KIRREL3: variants seen among roughly 807,000 people sequenced by gnomAD.
KIRREL3 encodes kirre like nephrin family adhesion molecule 3, also known as kin of IRRE-like protein 3.
In KIRREL3, 36 loss-of-function variants were observed where a neutral mutation model predicts 89.7. That is an observed-to-expected ratio of 0.40 (90% confidence interval 0.31 to 0.53). The LOEUF is 0.53. KIRREL3 is among the 20% of genes least tolerant of loss of function. The pLI is 0.49. For synonymous variants in KIRREL3, 445 were observed against 441.4 expected (o/e 1.01, Z -0.10); for missense variants, 864 against 1,056.6 (o/e 0.82, Z 2.53).
chr11:126,461,518 TA>T (rs1725599539), intron 6 of KIRREL3, among the ~76,000 whole-genome samples: 8 of 151,900 alleles, frequency 5.3e-5, no homozygotes, highest in Admixed American at 4.6e-4. Context: ...TCGGGGGTTG[TA>T]GGGGGGACAG....
At chr11:126,482,433 T>A (rs909268222) in intron 4 of KIRREL3, among the ~76,000 whole-genome samples, 2 of 152,374 alleles carry the variant, frequency 1.3e-5, no homozygotes, top group Non-Finnish European at 2.9e-5. Flanking sequence ...ATGGGAAAAC[T>A]GCTTAGCTTC....
chr11:126,511,917 C>T (rs951174878), intron 4 of KIRREL3, among the ~76,000 whole-genome samples: 2 of 152,190 alleles, frequency 1.3e-5, no homozygotes, highest in African/African-American at 4.8e-5. Flanking sequence ...GCTCCCTGTG[C>T]AGCTGCAGCT....
chr11:126,442,821 A>G (rs1955633803), intron 10 of KIRREL3, among the ~76,000 whole-genome samples: 1 of 152,180 alleles, frequency 6.6e-6, no homozygotes, highest in South Asian at 2.1e-4. Context: ...CACCCTAGTC[A>G]AGAAATAAAC....
At chr11:126,738,739 A>G (rs1565692095) in intron 1 of KIRREL3, among the ~76,000 whole-genome samples, 1 of 152,174 alleles carries the variant, frequency 6.6e-6, no homozygotes, top group Non-Finnish European at 1.5e-5. Context: ...AGGGCTCACG[A>G]CAAGAAGGCT....
At chr11:126,507,195 T>C (rs1958049368) in intron 4 of KIRREL3, among the ~76,000 whole-genome samples, 1 of 152,166 alleles carries the variant, frequency 6.6e-6, no homozygotes, top group African/African-American at 2.4e-5. Context: ...ATTGGTTGCC[T>C]GAGACTGGGT....
At chr11:126,701,045 G>A (rs555854734) in intron 1 of KIRREL3, among the ~76,000 whole-genome samples, 3 of 152,294 alleles carry the variant, frequency 2.0e-5, no homozygotes, top group East Asian at 3.9e-4. Context: ...CTGAACATAC[G>A]TCAGTGTCTC....
intron 9 of KIRREL3, among the ~76,000 whole-genome samples, chr11:126,446,148 C>CAAAAA (rs56820180): frequency 7.2e-5 from 6 of 83,244 alleles, no homozygotes; most frequent in African/African-American, 1.5e-4. Context: ...AACTCCATCT[C>CAAAAA]AAAAAAAAAA....
intron 1 of KIRREL3, among the ~76,000 whole-genome samples, chr11:126,853,081 T>C (rs1339948907): frequency 6.6e-6 from 1 of 152,210 alleles, no homozygotes; most frequent in Non-Finnish European, 1.5e-5. Flanking sequence ...TTGTTGCTTT[T>C]TTTTTAAAAT....
rs1361055652 is a variant in KIRREL3, at chr11:126,496,412, G to A, written c.434-22946C>T. On this transcript the variant is annotated intron_variant, in intron 4 of 16. Coordinates refer to ENST00000525144, the MANE Select transcript of KIRREL3 (RefSeq NM_032531.4). The surrounding 1 kb of genome is among the most constrained non-coding windows in gnomAD (Gnocchi z 4.9). ...TAAGTGATTTGGACAAGGGTACACAGCTGAAAAATGAAAGGGCCAGTCTTA... is the reference window on the plus strand; with the variant it reads ...TAAGTGATTTGGACAAGGGTACACAACTGAAAAATGAAAGGGCCAGTCTTA... Among the ~76,000 whole-genome samples the A allele has an allele frequency of 1.3e-5, 2 of 152,156 alleles. No individual in the cohort carries two copies. Among genetic ancestry groups the A allele is most frequent in the Non-Finnish European group, 2.9e-5 (2 of 68,038 alleles).
In KIRREL3 at chr11:126,742,837, G is replaced by A. The variant is rs146965538; in HGVS notation, c.56-179925C>T. ...ACTGGCACATTCGTTGCTGGGCAAC[G>A]TGGCTCCTCTCTGAAGAGGCAAGAA... On this transcript the variant is annotated intron_variant, in intron 1 of 16. Coordinates refer to ENST00000525144, the MANE Select transcript of KIRREL3 (RefSeq NM_032531.4). This position sits in a 1 kb window ranked among gnomAD's most constrained non-coding sequence, Gnocchi z 5.3. Among the ~76,000 whole-genome samples, 277 of 152,336 alleles carry A rather than the reference G, an allele frequency of 1.8e-3. 2 individuals are homozygous for A. Among genetic ancestry groups the A allele is most frequent in the African/African-American group, 6.3e-3 (263 of 41,580 alleles).
At position 126,599,104 on chromosome 11, in the gene KIRREL3, G is replaced by A. The variant is rs1433186846; in HGVS notation, c.56-36192C>T. Reference sequence around the variant, plus strand: ...CCCAGGCCTCACCCCTCCTTGCTGGGTGCAGAGACATCTGCTGTTTCAAGC... The same window carrying A: ...CCCAGGCCTCACCCCTCCTTGCTGGATGCAGAGACATCTGCTGTTTCAAGC... On this transcript the variant is annotated intron_variant, in intron 1 of 16. Transcript: ENST00000525144. Among the ~76,000 whole-genome samples, 4 of 152,286 alleles carry A rather than the reference G, an allele frequency of 2.6e-5. No homozygotes were observed. In the East Asian group the frequency reaches 7.7e-4, roughly 29 times the overall value.
At chr11:126,926,522 T>G (rs1282126904) in intron 1 of KIRREL3, among the ~76,000 whole-genome samples, 1 of 152,180 alleles carries the variant, frequency 6.6e-6, no homozygotes, top group Non-Finnish European at 1.5e-5. Flanking sequence ...GAGCTGGTAC[T>G]ATGAGGGGTG....
Position 126,537,731 on chromosome 11 carries a change from C to T in KIRREL3, c.134-11044G>A, listed in dbSNP as rs909657146. The stretch of plus-strand genomic sequence containing the variant: ...CCCTATCTGAAAAATGGGGATGACA[C>T]GCCTCCCTGGCAAAGCTGCTGTGAG... On this transcript the variant is annotated intron_variant, in intron 2 of 16. Transcript: ENST00000525144. The surrounding 1 kb of genome is among the most constrained non-coding windows in gnomAD (Gnocchi z 4.3). Among the ~76,000 whole-genome samples, 4 of 152,162 alleles carry T rather than the reference C, an allele frequency of 2.6e-5. No homozygotes were observed. The highest frequency in any genetic ancestry group is 5.9e-5 in the Non-Finnish European group (4 of 68,028).
At chr11:126,536,790 A>T (rs502401) in intron 2 of KIRREL3, among the ~76,000 whole-genome samples, 2 of 151,744 alleles carry the variant, frequency 1.3e-5, no homozygotes, top group East Asian at 3.9e-4. Context: ...GACTACAGGC[A>T]TGTGCCACTA....
chr11:126,846,975 GAGTGA>G (rs972304704), intron 1 of KIRREL3, among the ~76,000 whole-genome samples: 4 of 40,936 alleles, frequency 9.8e-5, no homozygotes, highest in African/African-American at 5.1e-4. Context: ...GTTTTTCTTA[GAGTGA>G]AAAGAAAACC....
intron 5 of KIRREL3, among the ~76,000 whole-genome samples, chr11:126,467,185 C>T (rs539188718): frequency 5.3e-5 from 8 of 152,352 alleles, no homozygotes; most frequent in African/African-American, 1.7e-4. Context: ...CGTGACTCTG[C>T]GGGGCCCCAG....
chr11:126,545,559 C>A (rs1380260726), intron 2 of KIRREL3, among the ~76,000 whole-genome samples: 1 of 151,336 alleles, frequency 6.6e-6, no homozygotes, highest in African/African-American at 2.4e-5. Context: ...TTGCTTGAGC[C>A]CAGGAGTTCG....
In KIRREL3 at chr11:126,747,892, T is replaced by G. The variant is rs1412566029; in HGVS notation, c.56-184980A>C. On this transcript the variant is annotated intron_variant, in intron 1 of 16. Transcript: ENST00000525144. This position sits in a 1 kb window ranked among gnomAD's most constrained non-coding sequence, Gnocchi z 4.7. ...CCTCAGGTCAACTGGAAGACTCCCC[T>G]CCAGACAGGCGTTGCGGTCTTTCCC... Among the ~76,000 whole-genome samples, 1 of 151,970 alleles carries G rather than the reference T, an allele frequency of 6.6e-6. No homozygotes were observed. Among genetic ancestry groups the G allele is most frequent in the Non-Finnish European group, 1.5e-5 (1 of 68,006 alleles).
At position 126,921,443 on chromosome 11, in the gene KIRREL3, CTATCTTCCTAT is replaced by C. The variant is rs1565419190; in HGVS notation, c.55+79001_55+79011del. 3.9e-5 allele frequency among the ~76,000 whole-genome samples: 6 copies of C among 152,036 alleles called. No homozygotes were observed. In the East Asian group the frequency reaches 1.2e-3, roughly 30 times the overall value. On this transcript the variant is annotated intron_variant, in intron 1 of 16. Coordinates refer to ENST00000525144, the MANE Select transcript of KIRREL3 (RefSeq NM_032531.4). ...TCTATCTATCTATCTATCTATCTAT[CTATCTTCCTAT>C]CTATCTACCTATCTGTCCATCCATC...
Sources: gnomAD v4.1 joint callset for allele counts (sites outside exome capture counted in the v4.1 genomes callset) on GRCh38, gnomAD v4.1.1 for gene constraint, Gnocchi (gnomAD v3.1) non-coding constraint, MANE v1.5 for transcripts, NCBI Gene and HGNC (gene_info 2026-07-23, HGNC 2026-07-21) for gene names.